DOCK2: variants seen among roughly 807,000 people sequenced by gnomAD.
The protein encoded by DOCK2 is dedicator of cytokinesis 2.
In DOCK2, 87 loss-of-function variants were observed where a neutral mutation model predicts 248.9. That is an observed-to-expected ratio of 0.35 (90% confidence interval 0.29 to 0.42). DOCK2 has a LOEUF of 0.42. Among genes scored for constraint, DOCK2 ranks in the 10% least tolerant of loss-of-function variants. DOCK2 has a pLI of 1.00. For missense variants in DOCK2, 1,747 were observed against 2,300.2 expected (o/e 0.76, Z 4.92); for synonymous variants, 805 against 821.6 (o/e 0.98, Z 0.35).
intron 6 of DOCK2, among the ~76,000 whole-genome samples, chr5:169,678,830 C>CA (rs1400917953): frequency 1.6e-5 from 2 of 125,316 alleles, no homozygotes; most frequent in Admixed American, 8.9e-5. Context: ...GAAGCATGGG[C>CA]AAGAAGGTTG....
intron 22 of DOCK2, among the ~76,000 whole-genome samples, chr5:169,743,229 T>C (rs1414646376): frequency 6.6e-6 from 1 of 152,238 alleles, no homozygotes; most frequent in Non-Finnish European, 1.5e-5. Context: ...TTCCTTGTAA[T>C]CTAAAACCCT....
chr5:169,830,837 A>G (rs1769178501), intron 26 of DOCK2, among the ~76,000 whole-genome samples: 1 of 152,186 alleles, frequency 6.6e-6, no homozygotes, highest in South Asian at 2.1e-4. Context: ...CCAGCTTGCG[A>G]GCCCCAAGGT....
At chr5:170,018,748 C>A (rs967251169) in intron 32 of DOCK2, among the ~76,000 whole-genome samples, 1 of 152,178 alleles carries the variant, frequency 6.6e-6, no homozygotes, top group African/African-American at 2.4e-5. Flanking sequence ...CCTTAATAAT[C>A]GGGCTTGTTT....
At chr5:169,894,955 G>T (rs1454017684) in intron 27 of DOCK2, among the ~76,000 whole-genome samples, 1 of 152,190 alleles carries the variant, frequency 6.6e-6, no homozygotes, top group African/African-American at 2.4e-5. Context: ...CCCCCGTGAG[G>T]TCTGCCATTT....
At chr5:169,973,761 A>G (rs1254973709) in intron 27 of DOCK2, among the ~76,000 whole-genome samples, 1 of 152,198 alleles carries the variant, frequency 6.6e-6, no homozygotes, top group Non-Finnish European at 1.5e-5. Flanking sequence ...CATAGAGAAT[A>G]GTCATTAAGA....
chr5:169,780,403 G>T (rs1318635795), intron 25 of DOCK2, among the ~76,000 whole-genome samples: 2 of 152,026 alleles, frequency 1.3e-5, no homozygotes, highest in Admixed American at 1.3e-4. Context: ...TTCTCATGGT[G>T]TGTTAAAAGA....
intron 2 of DOCK2, among the ~76,000 whole-genome samples, chr5:169,666,468 G>A (rs771513029): frequency 6.6e-6 from 1 of 152,152 alleles, no homozygotes. Context: ...ACTCAGGAGC[G>A]GGTTCTGGGA....
At position 169,818,177 on chromosome 5, in the gene DOCK2, A is replaced by G. The variant is rs77841068; in HGVS notation, c.2703+14971A>G. The stretch of plus-strand genomic sequence containing the variant: ...GGGGCAGAGATTAGAGCTCACATGT[A>G]CTTCTCATTGCCTGAAGAGTGTGGA... On this transcript the variant is annotated intron_variant, in intron 26 of 51. Transcript: ENST00000520908. 2.2e-3 allele frequency among the ~76,000 whole-genome samples: 329 copies of G among 152,246 alleles called. 8 individuals carry two copies. The East Asian group carries it at 0.05, about 23-fold the overall frequency.
intron 9 of DOCK2, among the ~76,000 whole-genome samples, chr5:169,692,537 C>T (rs1029993798): frequency 1.1e-4 from 14 of 128,358 alleles, no homozygotes; most frequent in Admixed American, 3.2e-4. Context: ...GGTGGGGTGG[C>T]GGGGGGGCGC....
At chr5:169,927,158 A>G (rs1775500980) in intron 27 of DOCK2, among the ~76,000 whole-genome samples, 1 of 152,208 alleles carries the variant, frequency 6.6e-6, no homozygotes, top group African/African-American at 2.4e-5. Flanking sequence ...AAAGTTCAAG[A>G]TGGGAAGATC....
intron 25 of DOCK2, 63 bp from the exon 26 acceptor site, chr5:169,802,995 T>A: frequency 6.4e-7 from 1 of 1,571,852 alleles, no homozygotes; most frequent in Non-Finnish European, 8.6e-7. Flanking sequence ...TGTATGCATA[T>A]ATGAAAGAAA....
chr5:169,978,912 G>A (rs1242765322), intron 27 of DOCK2, among the ~76,000 whole-genome samples: 2 of 152,072 alleles, frequency 1.3e-5, no homozygotes, highest in African/African-American at 2.4e-5. Flanking sequence ...CATCCCAATC[G>A]GAGCGAGGTG....
chr5:169,882,560 T>A, intron 27 of DOCK2: 1 of 1,544,746 alleles, frequency 6.5e-7, no homozygotes, highest in South Asian at 1.2e-5. Flanking sequence ...TACCCTTCAG[T>A]GAGAGCTCGA....
intron 22 of DOCK2, among the ~76,000 whole-genome samples, chr5:169,745,171 A>T (rs1272163781): frequency 6.6e-6 from 1 of 152,194 alleles, no homozygotes; most frequent in Non-Finnish European, 1.5e-5. Flanking sequence ...AAAGACAAAC[A>T]GTGTGATCTC....
intron 25 of DOCK2, among the ~76,000 whole-genome samples, chr5:169,767,339 G>A (rs559234850): frequency 6.6e-6 from 1 of 152,222 alleles, no homozygotes; most frequent in African/African-American, 2.4e-5. Context: ...TCTGTAGGTC[G>A]TCCATTTACT....
rs200805864 is a variant in DOCK2 at position 169,681,793 on chromosome 5, G to C, written c.520G>C (p.Asp174His). 1 of 1,613,730 alleles carries C rather than the reference G, an allele frequency of 6.2e-7. No individual in the cohort carries two copies. The highest frequency in any genetic ancestry group is 1.7e-5 in the Admixed American group (1 of 59,960). Residue 174 changes from aspartate to histidine, a missense_variant, in exon 7 of 52, where the codon GAC (aspartate) becomes CAC (histidine). By Grantham distance (81) the Asp-to-His change is moderately conservative (BLOSUM62 -1). Coordinates refer to ENST00000520908, the MANE Select transcript of DOCK2 (RefSeq NM_004946.3). Reference sequence around the variant, plus strand: ...CAGAGATGAAGACGGAAATATCTTGGACCCTGATAATACCAGTGTCATCAG... The same window carrying C: ...CAGAGATGAAGACGGAAATATCTTGCACCCTGATAATACCAGTGTCATCAG... ...IVRDEDGNIL[D>H]PDNTSVISLF...
rs1758096111 is a variant in DOCK2 at position 170,083,226 on chromosome 5, G to T, written c.*368G>T. ...TTAAGTCTCAGAACTTAACAGAAAA[G>T]GAAGCCTTTTAAATATTCTTTTTAA... On this transcript the variant is annotated 3_prime_UTR_variant, in exon 52 of 52. Coordinates refer to ENST00000520908, the MANE Select transcript of DOCK2 (RefSeq NM_004946.3). 5.4e-6 allele frequency: 1 copy of T among 186,352 alleles called. No individual in the cohort carries two copies. Among genetic ancestry groups the T allele is most frequent in the Non-Finnish European group, 1.1e-5 (1 of 90,800 alleles). 11.5% of individuals were successfully genotyped at this position (186,352 alleles called of 1,614,324 possible).
At chr5:170,009,542 C>T (rs192667954) in intron 32 of DOCK2, among the ~76,000 whole-genome samples, 96 of 152,208 alleles carry the variant, frequency 6.3e-4, no homozygotes, top group Middle Eastern at 6.8e-3. Context: ...GATGGATGAA[C>T]GAACAGTAAT....
intron 25 of DOCK2, among the ~76,000 whole-genome samples, chr5:169,772,491 T>C (rs1765144477): frequency 6.6e-6 from 1 of 152,230 alleles, no homozygotes; most frequent in African/African-American, 2.4e-5. Flanking sequence ...GTTTATTGAC[T>C]GCTTATTATG....
Sources: gnomAD v4.1 joint callset for allele counts (sites outside exome capture counted in the v4.1 genomes callset) on GRCh38, gnomAD v4.1.1 for gene constraint, MANE v1.5 for transcripts, NCBI Gene and HGNC (gene_info 2026-07-23, HGNC 2026-07-21) for gene names.